Variants in ARHGAP44 observed in about 807,000 individuals in gnomAD.
ARHGAP44 encodes the protein Rho GTPase activating protein 44.
Under a neutral mutation model 106.8 loss-of-function variants are expected in ARHGAP44, and 43 were observed. The ratio of observed to expected loss-of-function variants is 0.40; its 90% CI spans 0.32 to 0.52. The LOEUF (loss-of-function observed/expected upper bound fraction) is 0.52, where lower values mean the gene tolerates loss of function less well. Among genes scored for constraint, ARHGAP44 ranks in the 20% least tolerant of loss-of-function variants. ARHGAP44 has a pLI of 0.48. For missense variants in ARHGAP44, 866 were observed against 1,050.5 expected, an observed-to-expected ratio of 0.82 and a Z score of 2.43; for synonymous variants, 439 against 410.3, an observed-to-expected ratio of 1.07 and a Z score of -0.85.
intron 6 of ARHGAP44, among the ~76,000 whole-genome samples, chr17:12,923,065 A>G (rs1042241134): frequency 3.3e-5 from 5 of 151,974 alleles, no homozygotes; most frequent in Non-Finnish European, 7.4e-5. Context: ...ACCCTTTATA[A>G]CCTTTGTTGT....
chr17:12,897,710 C>CTTT (rs71980749), intron 3 of ARHGAP44, among the ~76,000 whole-genome samples: 9,228 of 108,794 alleles, frequency 0.085, 584 homozygotes, highest in African/African-American at 0.12. Context: ...TGATCTGTGT[C>CTTT]TTTTTTTTTT....
chr17:12,958,637 G>T lies in ARHGAP44; in HGVS notation c.1343-80G>T. 1 of 1,374,652 alleles carries T rather than the reference G, an allele frequency of 7.3e-7. No individual in the cohort carries two copies. Among genetic ancestry groups the T allele is most frequent in the Non-Finnish European group, 1.0e-6 (1 of 984,912 alleles). 85.2% of individuals were successfully genotyped at this position (1,374,652 alleles called of 1,614,324 possible). A position where few individuals can be genotyped will look rare whatever the true frequency, so the allele number is the denominator to read the frequency against. On this transcript the variant is annotated intron_variant, in intron 15 of 20. Transcript: ENST00000379672. The surrounding 1 kb of genome is among the most constrained non-coding windows in gnomAD (Gnocchi z 4.1). The stretch of plus-strand genomic sequence containing the variant: ...AGGGATGACATACGAGGGAGTGGGT[G>T]TCTGGACTCATTCCTCCCCTGCCCA...
At chr17:12,989,105 A>G (rs2040038690) in intron 20 of ARHGAP44, among the ~76,000 whole-genome samples, 1 of 130,264 alleles carries the variant, frequency 7.7e-6, no homozygotes, top group Non-Finnish European at 1.6e-5. Context: ...CCCCCCCAAA[A>G]AAAAAAAAAA....
At chr17:12,970,077 A>T (rs572525602) in intron 16 of ARHGAP44, among the ~76,000 whole-genome samples, 1 of 152,274 alleles carries the variant, frequency 6.6e-6, no homozygotes, top group African/African-American at 2.4e-5. Context: ...AGGACTTATC[A>T]CCTGACTCCC....
chr17:12,803,492 T>C (rs1178674623), intron 1 of ARHGAP44, among the ~76,000 whole-genome samples: 1 of 152,142 alleles, frequency 6.6e-6, no homozygotes, highest in Non-Finnish European at 1.5e-5. Flanking sequence ...TTTCTCCTTT[T>C]TAATTTATTT....
In ARHGAP44 at chr17:12,990,258, T is replaced by A. The variant is rs537041643; in HGVS notation, c.*87T>A. 6.7e-7 allele frequency: 1 copy of A among 1,486,962 alleles called. No homozygotes were observed. Among genetic ancestry groups the A allele is most frequent in the South Asian group, 1.3e-5 (1 of 77,392 alleles). 92.1% of individuals were successfully genotyped at this position (1,486,962 alleles called of 1,614,324 possible). On this transcript the variant is annotated 3_prime_UTR_variant, in exon 21 of 21. Coordinates refer to ENST00000379672, the MANE Select transcript of ARHGAP44 (RefSeq NM_014859.6). ...GAGCAGCGTCCATGAGCTTGCCAAG[T>A]GTTCTCTGCTGGCTCTTTCCTGCCA...
In ARHGAP44 at chr17:12,974,252, G is replaced by A. The variant is rs1427558525; in HGVS notation, c.1705G>A (p.Ala569Thr). 6.6e-7 allele frequency: 1 copy of A among 1,518,790 alleles called. No homozygotes were observed. Among genetic ancestry groups the A allele is most frequent in the East Asian group, 2.6e-5 (1 of 38,588 alleles). The allele number at this position is 1,518,790 out of a possible 1,614,324, so 94.1% of individuals were successfully genotyped here. A position where few individuals can be genotyped will look rare whatever the true frequency, so the allele number is the denominator to read the frequency against. The change falls in exon 18 of 21, where the codon GCG becomes ACG. Residue 569 changes from alanine to threonine, a missense_variant. This residue lies in a region of ARHGAP44 where 418 missense variants were observed against 403.6 expected (regional missense o/e 1.04). Coordinates refer to ENST00000379672, the MANE Select transcript of ARHGAP44 (RefSeq NM_014859.6). ...GCCGGAGCAGCCCCTGGACAGCCCC[G>A]CGGCCCCCGCGCTCTCTCCATCCGG... ...PLPEQPLDSP[A>T]APALSPSGLG...
At chr17:12,834,148 GT>G (rs2035169440) in intron 1 of ARHGAP44, among the ~76,000 whole-genome samples, 1 of 151,962 alleles carries the variant, frequency 6.6e-6, no homozygotes, top group Non-Finnish European at 1.5e-5. Context: ...TTTATTTTTG[GT>G]TTATGCGTTG....
intron 1 of ARHGAP44, among the ~76,000 whole-genome samples, chr17:12,872,446 A>G (rs916954590): frequency 4.0e-5 from 1 of 24,742 alleles, no homozygotes; most frequent in Admixed American, 3.5e-4. Flanking sequence ...CATTCTCAAG[A>G]AACTTTCTCG....
At chr17:12,872,932 C>T (rs115940381) in intron 1 of ARHGAP44, among the ~76,000 whole-genome samples, 208 of 152,282 alleles carry the variant, frequency 1.4e-3, no homozygotes, top group African/African-American at 4.6e-3. Context: ...GTCAATTCCG[C>T]GGTAACATTG....
chr17:12,930,456 A>T (rs2038366186), intron 7 of ARHGAP44, among the ~76,000 whole-genome samples: 1 of 152,042 alleles, frequency 6.6e-6, no homozygotes, highest in South Asian at 2.1e-4. Context: ...CAGGCTGGTC[A>T]TGAACTCCTG....
intron 6 of ARHGAP44, among the ~76,000 whole-genome samples, chr17:12,926,741 A>T (rs2038259043): frequency 6.6e-6 from 1 of 151,766 alleles, no homozygotes; most frequent in South Asian, 2.1e-4. Context: ...TTTTTAAAAA[A>T]TTTAATCCTG....
At chr17:12,803,176 T>A (rs1027563967) in intron 1 of ARHGAP44, among the ~76,000 whole-genome samples, 1 of 151,466 alleles carries the variant, frequency 6.6e-6, no homozygotes, top group African/African-American at 2.4e-5. Context: ...TTCACTGTGT[T>A]GGCCAGGCTG....
intron 20 of ARHGAP44, chr17:12,987,373 G>T: frequency 2.2e-6 from 1 of 459,958 alleles, no homozygotes; most frequent in Non-Finnish European, 3.9e-6. Context: ...AGGAGGAGCT[G>T]GGGGAGAACC....
At chr17:12,812,167 AT>A (rs1322490715) in intron 1 of ARHGAP44, among the ~76,000 whole-genome samples, 1 of 152,212 alleles carries the variant, frequency 6.6e-6, no homozygotes, top group Non-Finnish European at 1.5e-5. Flanking sequence ...AGGGGCTTAT[AT>A]TCCAGTAGGA....
In ARHGAP44 at chr17:12,908,965, A is replaced by G. The variant is rs751336032; in HGVS notation, c.267A>G (p.Thr89=). Residue 89 remains threonine, a synonymous_variant, in exon 4 of 21, where the codon ACA becomes ACG. Transcript: ENST00000379672. Reference sequence around the variant, plus strand: ...GGTCAGCTATCCTGGGAGATGACACACTTCTTGGGTAAGGTGACACCTTGC... The same window carrying G: ...GGTCAGCTATCCTGGGAGATGACACGCTTCTTGGGTAAGGTGACACCTTGC... ...MEGSAILGDD[T]LLGKMLKLCG... The G allele has an allele frequency of 1.3e-6, 2 of 1,592,024 alleles. No homozygotes were observed. Among genetic ancestry groups the G allele is most frequent in the Non-Finnish European group, 1.7e-6 (2 of 1,173,416 alleles).
intron 16 of ARHGAP44, among the ~76,000 whole-genome samples, chr17:12,971,305 G>A (rs2039522441): frequency 6.6e-6 from 1 of 152,096 alleles, no homozygotes; most frequent in South Asian, 2.1e-4. Context: ...TACTGTTGGG[G>A]AAATAGAAGG....
intron 6 of ARHGAP44, among the ~76,000 whole-genome samples, chr17:12,923,089 A>T (rs1054069653): frequency 2.0e-5 from 3 of 152,196 alleles, no homozygotes; most frequent in Non-Finnish European, 4.4e-5. Context: ...AGACTAAAAA[A>T]GTCTTGTTTG....
chr17:12,900,874 C>G (rs1312263946), intron 3 of ARHGAP44, among the ~76,000 whole-genome samples: 1 of 146,320 alleles, frequency 6.8e-6, no homozygotes, highest in East Asian at 2.0e-4. Flanking sequence ...GATAAGAGGA[C>G]AAGATGTGCC....
Sources: gnomAD v4.1 joint callset for allele counts (sites outside exome capture counted in the v4.1 genomes callset) on GRCh38, gnomAD v4.1.1 for gene constraint, gnomAD v4.1.1 regional missense constraint, Gnocchi (gnomAD v3.1) non-coding constraint, MANE v1.5 for transcripts, NCBI Gene and HGNC (gene_info 2026-07-23, HGNC 2026-07-21) for gene names.